The following LIMS1 variants were observed in gnomAD, a reference collection of about 807,000 sequenced individuals.
LIMS1 encodes LIM and senescent cell antigen-like-containing domain protein 1.
Under a neutral mutation model 44.1 loss-of-function variants are expected in LIMS1, and 18 were observed. The ratio of observed to expected loss-of-function variants is 0.41; its 90% CI spans 0.28 to 0.61. LIMS1 has a LOEUF of 0.61. Ranked by LOEUF, LIMS1 falls within the 20% of genes least tolerant of loss-of-function variation. LIMS1 has a pLI of 0.32. For synonymous variants in LIMS1, 93 were observed against 149.1 expected (o/e 0.62, Z 2.74); for missense variants, 201 against 422.0 (o/e 0.48, Z 4.59).
intron 2 of LIMS1, 123 bp downstream of exon 2, chr2:108,659,887 A>C: frequency 6.8e-7 from 1 of 1,459,918 alleles, no homozygotes; most frequent in Non-Finnish European, 9.4e-7. Context: ...TGCCACATGC[A>C]TGCCAGGTAT....
chr2:108,663,915 C>T (rs1333538472), intron 2 of LIMS1, among the ~76,000 whole-genome samples: 2 of 151,896 alleles, frequency 1.3e-5, no homozygotes, highest in African/African-American at 2.4e-5. Context: ...CCACCATGCC[C>T]AGCTAATTTT....
intron 1 of LIMS1, among the ~76,000 whole-genome samples, chr2:108,592,553 G>C (rs1686460897): frequency 6.6e-6 from 1 of 152,120 alleles, no homozygotes; most frequent in Admixed American, 6.5e-5. Flanking sequence ...TTTGCAGCCT[G>C]GGAAGACATT....
intron 1 of LIMS1, among the ~76,000 whole-genome samples, chr2:108,574,026 C>T (rs908099158): frequency 6.6e-6 from 1 of 151,070 alleles, no homozygotes; most frequent in Non-Finnish European, 1.5e-5. Context: ...TTAAAAGATG[C>T]CTGAATCCCC....
intron 1 of LIMS1, among the ~76,000 whole-genome samples, chr2:108,548,818 A>G (rs1271216617): frequency 6.6e-6 from 1 of 152,214 alleles, no homozygotes; most frequent in Non-Finnish European, 1.5e-5. Context: ...GGGAACTCCA[A>G]GGATATAAGG....
intron 1 of LIMS1, among the ~76,000 whole-genome samples, chr2:108,553,812 T>G (rs1466932590): frequency 6.6e-6 from 1 of 152,132 alleles, no homozygotes; most frequent in Non-Finnish European, 1.5e-5. Context: ...TGAGATCATT[T>G]TCAATCTGAA....
intron 1 of LIMS1, among the ~76,000 whole-genome samples, chr2:108,560,272 T>C (rs1341981499): frequency 6.6e-6 from 1 of 152,214 alleles, no homozygotes; most frequent in African/African-American, 2.4e-5. Flanking sequence ...TAAAATTTAC[T>C]AAGTCAGATC....
At chr2:108,548,226 G>C (rs904436530) in intron 1 of LIMS1, among the ~76,000 whole-genome samples, 1 of 151,968 alleles carries the variant, frequency 6.6e-6, no homozygotes, top group Non-Finnish European at 1.5e-5. Context: ...GAATTACAAT[G>C]ATATAACTTT....
At chr2:108,577,888 G>A (rs1181114772) in intron 1 of LIMS1, among the ~76,000 whole-genome samples, 1 of 152,032 alleles carries the variant, frequency 6.6e-6, no homozygotes, top group Non-Finnish European at 1.5e-5. Context: ...GCTATTCTGA[G>A]ATTGTATGTT....
intron 1 of LIMS1, among the ~76,000 whole-genome samples, chr2:108,575,957 C>T (rs1436017411): frequency 6.6e-6 from 1 of 152,086 alleles, no homozygotes. Flanking sequence ...TGCACCTGAT[C>T]AGGAAGCAGG....
intron 1 of LIMS1, among the ~76,000 whole-genome samples, chr2:108,639,308 G>A (rs1039399009): frequency 5.9e-5 from 9 of 152,222 alleles, no homozygotes; most frequent in African/African-American, 2.2e-4. Context: ...AAAAGGGACA[G>A]TGGTATTCAT....
intron 1 of LIMS1, among the ~76,000 whole-genome samples, chr2:108,656,176 G>A (rs1353825190): frequency 6.9e-6 from 1 of 145,194 alleles, no homozygotes; most frequent in East Asian, 2.1e-4. Flanking sequence ...CTGCATTTTA[G>A]GACCAAACAA....
chr2:108,568,627 C>T (rs1685376925), intron 1 of LIMS1, among the ~76,000 whole-genome samples: 1 of 152,128 alleles, frequency 6.6e-6, no homozygotes, highest in South Asian at 2.1e-4. Context: ...ATACCCACAC[C>T]ATTTTACACC....
chr2:108,625,606 A>G (rs1471551637), intron 1 of LIMS1, among the ~76,000 whole-genome samples: 1 of 149,232 alleles, frequency 6.7e-6, no homozygotes, highest in East Asian at 2.1e-4. Context: ...GCAGTTTGAA[A>G]TTTGTATCCC....
chr2:108,660,682 C>T (rs1389133110), intron 2 of LIMS1: 1 of 243,842 alleles, frequency 4.1e-6, no homozygotes, highest in Admixed American at 5.2e-5. Flanking sequence ...CCTCGGCCTC[C>T]CAAAGTGCTA....
intron 1 of LIMS1, among the ~76,000 whole-genome samples, chr2:108,553,469 T>G (rs150677316): frequency 6.6e-6 from 1 of 152,328 alleles, no homozygotes; most frequent in African/African-American, 2.4e-5. Flanking sequence ...AAAGTTTCTC[T>G]AGGAAAGGCC....
intron 1 of LIMS1, among the ~76,000 whole-genome samples, chr2:108,584,360 G>A (rs180841075): frequency 3.9e-5 from 6 of 152,252 alleles, no homozygotes; most frequent in Admixed American, 3.9e-4. Flanking sequence ...TTGCATTCTA[G>A]GTTTCCCCCT....
At chr2:108,545,232 C>T (rs1419147900) in intron 1 of LIMS1, among the ~76,000 whole-genome samples, 1 of 152,152 alleles carries the variant, frequency 6.6e-6, no homozygotes, top group Admixed American at 6.5e-5. Flanking sequence ...CTTATATCCT[C>T]AGGGTATATG....
At chr2:108,663,410 ACG>A (rs1236608184) in intron 2 of LIMS1, among the ~76,000 whole-genome samples, 3 of 152,200 alleles carry the variant, frequency 2.0e-5, no homozygotes, top group Non-Finnish European at 2.9e-5. Context: ...AGAGGCCCTA[ACG>A]CTAACTATAG....
intron 1 of LIMS1, among the ~76,000 whole-genome samples, chr2:108,608,928 G>A (rs182456740): frequency 1.3e-5 from 2 of 152,258 alleles, no homozygotes; most frequent in Admixed American, 6.5e-5. Context: ...CCACTAGAAC[G>A]AGATGACAGT....
Sources: gnomAD v4.1 joint callset for allele counts (sites outside exome capture counted in the v4.1 genomes callset) on GRCh38, gnomAD v4.1.1 for gene constraint, MANE v1.5 for transcripts, NCBI Gene and HGNC (gene_info 2026-07-23, HGNC 2026-07-21) for gene names.